The following MEIS2 variants were observed in gnomAD, a reference collection of about 807,000 sequenced individuals.
MEIS2 encodes the protein homeobox protein Meis2.
MEIS2 carries 9 observed loss-of-function variants against 58.6 expected under a neutral mutation model. The ratio of observed to expected loss-of-function variants is 0.15; its 90% CI spans 0.09 to 0.27. The LOEUF is 0.27. Ranked by LOEUF, MEIS2 falls within the 10% of genes least tolerant of loss-of-function variation. The probability of loss-of-function intolerance (pLI) is 1.00; values close to 1 mark genes in which losing one functional copy is unlikely to be tolerated. For synonymous variants in MEIS2, 221 were observed against 228.4 expected (o/e 0.97, Z 0.29); for missense variants, 427 against 635.0 (o/e 0.67, Z 3.52).
In MEIS2 at chr15:37,096,379, C is replaced by G; in HGVS notation, c.297G>C (p.Ala99=). Residue 99 remains alanine (A), a synonymous_variant, in exon 3 of 12, where the codon GCG becomes GCC. Transcript: ENST00000561208. ...LALVFEKCEL[A]TCTPREPGVA... ...CTCCAGGTTCCCGGGGAGTGCAGGTCGCCAGCTCGCACTTCTCAAAGACCA... is the reference window on the plus strand; with the variant it reads ...CTCCAGGTTCCCGGGGAGTGCAGGTGGCCAGCTCGCACTTCTCAAAGACCA... 2 of 1,613,942 alleles carry G rather than the reference C, an allele frequency of 1.2e-6. No individual in the cohort carries two copies. Among genetic ancestry groups the G allele is most frequent in the African/African-American group, 1.3e-5 (1 of 75,034 alleles).
At chr15:37,082,828 C>T (rs1892411091) in intron 7 of MEIS2, among the ~76,000 whole-genome samples, 1 of 152,042 alleles carries the variant, frequency 6.6e-6, no homozygotes, top group Non-Finnish European at 1.5e-5. Flanking sequence ...ACCCTACTTA[C>T]ATCAACACCC....
At chr15:36,932,177 T>C (rs2058007103) in intron 9 of MEIS2, among the ~76,000 whole-genome samples, 1 of 152,182 alleles carries the variant, frequency 6.6e-6, no homozygotes, top group East Asian at 1.9e-4. Flanking sequence ...ATGACTGAAA[T>C]AGCATTTTGC....
chr15:37,041,804 C>A (rs957089620), intron 7 of MEIS2, among the ~76,000 whole-genome samples: 2 of 151,866 alleles, frequency 1.3e-5, no homozygotes, highest in African/African-American at 2.4e-5. Context: ...ATATGTGCAC[C>A]TGGGATTACA....
intron 8 of MEIS2, among the ~76,000 whole-genome samples, chr15:36,975,537 T>C (rs1299008151): frequency 1.8e-5 from 1 of 55,462 alleles, no homozygotes; most frequent in Non-Finnish European, 3.7e-5. Flanking sequence ...GCTCCTCACA[T>C]ACACCTGCAT....
intron 7 of MEIS2, among the ~76,000 whole-genome samples, chr15:37,043,431 A>G (rs965657465): frequency 9.9e-5 from 15 of 152,136 alleles, no homozygotes; most frequent in Non-Finnish European, 2.1e-4. Context: ...CATTTCCAGG[A>G]AGTAGGTATA....
intron 8 of MEIS2, among the ~76,000 whole-genome samples, chr15:36,955,940 G>A (rs1357696684): frequency 1.3e-5 from 2 of 150,076 alleles, no homozygotes; most frequent in South Asian, 2.1e-4. Flanking sequence ...CACTTTGGGA[G>A]GCTGAGGTGG....
chr15:37,021,439 T>C (rs1231117635), intron 8 of MEIS2, among the ~76,000 whole-genome samples: 3 of 152,236 alleles, frequency 2.0e-5, no homozygotes, highest in African/African-American at 7.2e-5. Flanking sequence ...GGCTTGCCCC[T>C]ACTTTTGAAA....
At chr15:37,063,592 T>C (rs1396483189) in intron 7 of MEIS2, among the ~76,000 whole-genome samples, 2 of 152,218 alleles carry the variant, frequency 1.3e-5, no homozygotes, top group Admixed American at 6.5e-5. Context: ...AAGCATTAGC[T>C]ATAATAATGA....
intron 7 of MEIS2, among the ~76,000 whole-genome samples, chr15:37,068,437 C>T (rs1286642019): frequency 6.6e-6 from 1 of 152,194 alleles, no homozygotes; most frequent in Admixed American, 6.5e-5. Flanking sequence ...GAACGAAACC[C>T]TATGTCAATG....
chr15:36,908,254 G>A (rs543230843), intron 9 of MEIS2, among the ~76,000 whole-genome samples: 2 of 152,164 alleles, frequency 1.3e-5, no homozygotes, highest in African/African-American at 2.4e-5. Context: ...CCAATGTGAC[G>A]GTATTATTAC....
At chr15:36,941,753 T>C (rs147959037) in intron 9 of MEIS2, among the ~76,000 whole-genome samples, 7 of 152,282 alleles carry the variant, frequency 4.6e-5, no homozygotes, top group Non-Finnish European at 7.4e-5. Context: ...GCAGGCATTC[T>C]TACAAGATAC....
At chr15:36,949,084 G>A (rs1214048817) in intron 9 of MEIS2, among the ~76,000 whole-genome samples, 2 of 152,018 alleles carry the variant, frequency 1.3e-5, no homozygotes, top group South Asian at 2.1e-4. Context: ...GCATGAAAAG[G>A]ACTGCAGCTA....
At chr15:36,937,613 G>C (rs1290074929) in intron 9 of MEIS2, among the ~76,000 whole-genome samples, 2 of 152,142 alleles carry the variant, frequency 1.3e-5, no homozygotes, top group African/African-American at 4.8e-5. Flanking sequence ...TGTATGAATG[G>C]TCACTGTTGA....
intron 9 of MEIS2, among the ~76,000 whole-genome samples, chr15:36,930,414 G>C (rs1026434122): frequency 1.3e-5 from 2 of 152,100 alleles, no homozygotes; most frequent in Admixed American, 6.5e-5. Context: ...ACTAAGCCAT[G>C]GGTAAAGGCA....
chr15:36,950,016 T>C (rs776457260), intron 9 of MEIS2, among the ~76,000 whole-genome samples: 4 of 151,690 alleles, frequency 2.6e-5, no homozygotes, highest in Admixed American at 1.3e-4. Flanking sequence ...TGAACAGAAT[T>C]TGTGGCTCAA....
intron 7 of MEIS2, among the ~76,000 whole-genome samples, chr15:37,040,415 A>G (rs1211856542): frequency 6.6e-6 from 1 of 152,118 alleles, no homozygotes. Flanking sequence ...CGGTGGGGCA[A>G]CTGCACACAC....
chr15:36,955,938 G>A (rs1024149062), intron 8 of MEIS2, among the ~76,000 whole-genome samples: 1 of 150,092 alleles, frequency 6.7e-6, no homozygotes, highest in Non-Finnish European at 1.5e-5. Context: ...AGCACTTTGG[G>A]AGGCTGAGGT....
chr15:36,940,966 G>T (rs2058353144), intron 9 of MEIS2, among the ~76,000 whole-genome samples: 1 of 152,072 alleles, frequency 6.6e-6, no homozygotes, highest in Non-Finnish European at 1.5e-5. Context: ...TATGAAAAAA[G>T]AATCACAAGG....
intron 8 of MEIS2, among the ~76,000 whole-genome samples, chr15:36,971,559 A>AAAAAAAAAAAG (rs2059572173): frequency 6.8e-6 from 1 of 147,346 alleles, no homozygotes; most frequent in African/African-American, 2.5e-5. Context: ...AAAAAAAAAA[A>AAAAAAAAAAAG]AAAAAGGGCT....
Sources: gnomAD v4.1 joint callset for allele counts (sites outside exome capture counted in the v4.1 genomes callset) on GRCh38, gnomAD v4.1.1 for gene constraint, MANE v1.5 for transcripts, NCBI Gene and HGNC (gene_info 2026-07-23, HGNC 2026-07-21) for gene names.